Variants in OTULINL observed in about 807,000 individuals in gnomAD.
OTULINL encodes the protein OTU deubiquitinase with linear linkage specificity like, also known as inactive ubiquitin thioesterase OTULINL.
Under a neutral mutation model 43.9 loss-of-function variants are expected in OTULINL, and 42 were observed. The observed-to-expected ratio is 0.96, with a 90% CI of 0.75 to 1.24. The LOEUF is 1.24. Ranked by LOEUF, OTULINL falls within the 50% of genes most tolerant of loss-of-function variation. The pLI is 0.00. For missense variants in OTULINL, 411 were observed against 426.4 expected (o/e 0.96, Z 0.32); for synonymous variants, 172 against 153.6 (o/e 1.12, Z -0.88).
rs1560969123 is a variant in OTULINL at position 14,610,165 on chromosome 5, T to G, written c.922T>G (p.Ser308Ala). 1 of 1,614,036 alleles carries G rather than the reference T, an allele frequency of 6.2e-7. No homozygotes were observed. Among genetic ancestry groups the G allele is most frequent in the South Asian group, 1.1e-5 (1 of 91,072 alleles). The change falls in exon 8 of 8, where the codon TCC becomes GCC. Residue 308 changes from serine to alanine, a missense_variant. Physicochemically the swap from Ser to Ala is moderately conservative, Grantham distance 99. Coordinates refer to ENST00000274217, the MANE Select transcript of OTULINL (RefSeq NM_019018.3). ...GATTGATATGTTTATACTTGGATAC[T>G]CCCTTGAAGTAAAGATAAAAGTGTT... Reference protein sequence around the residue: ...EQIDMFILGYSLEVKIKVFRL... With the variant: ...EQIDMFILGYALEVKIKVFRL...
At chr5:14,609,108 G>C in intron 7 of OTULINL, 91 bp downstream of exon 7, 2 of 1,319,620 alleles carry the variant, frequency 1.5e-6, no homozygotes, top group Non-Finnish European at 2.1e-6. Context: ...TTTCAGTGGT[G>C]ACATAAGCGA....
intron 5 of OTULINL, among the ~76,000 whole-genome samples, chr5:14,604,646 G>A (rs1759442258): frequency 6.6e-6 from 1 of 152,208 alleles, no homozygotes; most frequent in African/African-American, 2.4e-5. Flanking sequence ...GATGCAGTGG[G>A]GATACTGGGT....
intron 4 of OTULINL, among the ~76,000 whole-genome samples, chr5:14,601,938 G>T (rs73752134): frequency 1.3e-3 from 196 of 152,286 alleles, no homozygotes; most frequent in African/African-American, 4.6e-3. Flanking sequence ...TTTCACTGTG[G>T]TTAGGTCGCA....
intron 1 of OTULINL, among the ~76,000 whole-genome samples, chr5:14,594,119 T>C (rs1759248594): frequency 6.6e-6 from 1 of 152,186 alleles, no homozygotes; most frequent in South Asian, 2.1e-4. Flanking sequence ...TTTTTCTGAA[T>C]ATCTCCCCCG....
intron 2 of OTULINL, 33 bp downstream of exon 2, chr5:14,601,157 G>A (rs756307715): frequency 6.2e-7 from 1 of 1,611,490 alleles, no homozygotes; most frequent in Non-Finnish European, 8.5e-7. Flanking sequence ...AATTTCAAAT[G>A]TATCTTTACT....
chr5:14,603,364 T>G (rs916812300), intron 5 of OTULINL, among the ~76,000 whole-genome samples: 1 of 152,232 alleles, frequency 6.6e-6, no homozygotes, highest in African/African-American at 2.4e-5. Context: ...TGCCTGCTTG[T>G]ATGCTAGGTG....
intron 1 of OTULINL, among the ~76,000 whole-genome samples, chr5:14,592,088 C>T (rs1460626713): frequency 6.6e-6 from 1 of 152,118 alleles, no homozygotes; most frequent in Non-Finnish European, 1.5e-5. Flanking sequence ...AAAATATGTA[C>T]TCTCTGACCC....
At chr5:14,587,392 G>A (rs1004324623) in intron 1 of OTULINL, among the ~76,000 whole-genome samples, 3 of 152,216 alleles carry the variant, frequency 2.0e-5, no homozygotes, top group Non-Finnish European at 4.4e-5. Flanking sequence ...TGGGCTGAAT[G>A]TAACCAGTCA....
At chr5:14,603,662 TTA>T (rs1394650991) in intron 5 of OTULINL, among the ~76,000 whole-genome samples, 1 of 150,752 alleles carries the variant, frequency 6.6e-6, no homozygotes, top group Non-Finnish European at 1.5e-5. Context: ...TGCTCATTTT[TTA>T]TGTTTTTTTT....
chr5:14,602,317 A>T lies in OTULINL; in HGVS notation c.483A>T (p.Glu161Asp). 7 of 1,613,686 alleles carry T rather than the reference A, an allele frequency of 4.3e-6. No homozygotes were observed. The highest frequency in any genetic ancestry group is 5.9e-6 in the Non-Finnish European group (7 of 1,179,874). ...TCTCTTTTCCATCATGGATGAAAGA[A>T]AAGGACATTGTTAAGGTATGTCTTC... ...QGISFPSWMK[E>D]KDIVKLPEKL... The change falls in exon 5 of 8, where the codon GAA becomes GAT. Residue 161 changes from glutamate to aspartate, a missense_variant. By Grantham distance (45) the Glu-to-Asp change is conservative. Coordinates refer to ENST00000274217, the MANE Select transcript of OTULINL (RefSeq NM_019018.3).
At position 14,615,306 on chromosome 5, in the gene OTULINL, G is replaced by C. The variant is rs1227566851; in HGVS notation, c.*4992G>C. Among the ~76,000 whole-genome samples, 1 of 152,192 alleles carries C rather than the reference G, an allele frequency of 6.6e-6. No individual in the cohort carries two copies. The highest frequency in any genetic ancestry group is 1.5e-5 in the Non-Finnish European group (1 of 68,034). Reference sequence around the variant, plus strand: ...AAGACAGACTCTGGGAAACAACTTGGGAACTGCTTCAAGTCCATGCCAGGT... The same window carrying C: ...AAGACAGACTCTGGGAAACAACTTGCGAACTGCTTCAAGTCCATGCCAGGT... On this transcript the variant is annotated 3_prime_UTR_variant, in exon 8 of 8. Transcript: ENST00000274217.
intron 1 of OTULINL, among the ~76,000 whole-genome samples, chr5:14,594,690 T>C (rs1579919234): frequency 6.6e-6 from 1 of 152,356 alleles, no homozygotes. Flanking sequence ...CCTGTTCCAT[T>C]GGCTTCAGTT....
rs570099819 is a variant in OTULINL, at chr5:14,600,052, G to T, written c.65-913G>T. 1.3e-4 allele frequency among the ~76,000 whole-genome samples: 20 copies of T among 152,206 alleles called. No individual in the cohort carries two copies. The East Asian group carries it at 3.3e-3, about 25-fold the overall frequency. On this transcript the variant is annotated intron_variant, in intron 1 of 7. Transcript: ENST00000274217. ...GGATATTGGAGACTGATATGGTTTG[G>T]CTCTGTCCCTACACAAATCTCATCT...
intron 1 of OTULINL, among the ~76,000 whole-genome samples, chr5:14,590,049 A>G (rs1464621962): frequency 6.6e-6 from 1 of 152,210 alleles, no homozygotes; most frequent in East Asian, 1.9e-4. Context: ...ACTTTGGCCA[A>G]AGGGAAATGG....
intron 1 of OTULINL, 62 bp from the exon 2 acceptor site, chr5:14,600,903 T>G: frequency 2.3e-6 from 3 of 1,323,104 alleles, no homozygotes; most frequent in Non-Finnish European, 2.9e-6. Context: ...TTTTTTTCTC[T>G]TAAAGCAAAC....
rs116244094 is a variant in OTULINL at position 14,586,738 on chromosome 5, A to G, written c.64+4780A>G. ...TACCTCAGCTCTTTCTCCTCTTGCCATATTATTGGTTGTTAATGAATATTA... is the reference window on the plus strand; with the variant it reads ...TACCTCAGCTCTTTCTCCTCTTGCCGTATTATTGGTTGTTAATGAATATTA... On this transcript the variant is annotated intron_variant, in intron 1 of 7. Transcript: ENST00000274217. 2.9e-3 allele frequency among the ~76,000 whole-genome samples: 438 copies of G among 152,222 alleles called. 4 individuals are homozygous for G. The highest frequency in any genetic ancestry group is 0.01 in the African/African-American group (425 of 41,526).
In OTULINL at chr5:14,599,081, TGTCTA is replaced by T. The variant is rs533234822; in HGVS notation, c.65-1882_65-1878del. On this transcript the variant is annotated intron_variant, in intron 1 of 7. Coordinates refer to ENST00000274217, the MANE Select transcript of OTULINL (RefSeq NM_019018.3). ...AGCTTTCATAAAAAGTTTTACTAAA[TGTCTA>T]GGTAAGAATAAATATATAATGATTT... Among the ~76,000 whole-genome samples the T allele has an allele frequency of 1.8e-3, 270 of 152,364 alleles. 1 individual carries two copies. Among genetic ancestry groups the T allele is most frequent in the Non-Finnish European group, 3.1e-3 (208 of 68,038 alleles).
intron 4 of OTULINL, among the ~76,000 whole-genome samples, chr5:14,601,675 A>T (rs1439004688): frequency 6.6e-6 from 1 of 152,244 alleles, no homozygotes; most frequent in Non-Finnish European, 1.5e-5. Context: ...TAATTCCAGG[A>T]AACTCAGGCA....
At chr5:14,599,909 C>T (rs1759354829) in intron 1 of OTULINL, among the ~76,000 whole-genome samples, 1 of 152,148 alleles carries the variant, frequency 6.6e-6, no homozygotes, top group Admixed American at 6.5e-5. Flanking sequence ...TTTAAGTGGT[C>T]TACTTTCTGG....
Sources: gnomAD v4.1 joint callset for allele counts (sites outside exome capture counted in the v4.1 genomes callset) on GRCh38, gnomAD v4.1.1 for gene constraint, MANE v1.5 for transcripts, NCBI Gene and HGNC (gene_info 2026-07-23, HGNC 2026-07-21) for gene names.